SNX9: variants seen among roughly 807,000 people sequenced by gnomAD.
SNX9 encodes sorting nexin-9.
A neutral mutation model predicts 89.4 loss-of-function variants in SNX9; 44 were observed. That is an observed-to-expected ratio of 0.49 (90% confidence interval 0.39 to 0.63). The LOEUF (loss-of-function observed/expected upper bound fraction) is 0.63. Ranked by LOEUF, SNX9 falls within the 30% of genes least tolerant of loss-of-function variation. The pLI is 0.00. For synonymous variants in SNX9, 236 were observed against 247.8 expected (o/e 0.95, Z 0.45); for missense variants, 578 against 736.1 (o/e 0.79, Z 2.49).
chr6:157,826,259 G>A (rs866089256), intron 1 of SNX9, among the ~76,000 whole-genome samples: 19 of 152,064 alleles, frequency 1.2e-4, no homozygotes, highest in Non-Finnish European at 1.8e-4. Context: ...AGCACTTTGG[G>A]AGGCCGAGGC....
chr6:157,909,656 T>C lies in SNX9; in HGVS notation c.706-9T>C, dbSNP rs376543641. On this transcript the variant is annotated splice_polypyrimidine_tract_variant and intron_variant, in intron 7 of 17. Transcript: ENST00000392185. ...AACAAAATTACTTCTTTCTGGAACA[T>C]TGGCATAGGTTGGAGATTATGGCCC... 24 of 1,609,240 alleles carry C rather than the reference T, an allele frequency of 1.5e-5. No homozygotes were observed. The highest frequency in any genetic ancestry group is 1.2e-4 in the African/African-American group (9 of 74,726).
chr6:157,894,106 C>CTTTTTTTTTTTTTTTTTTTTTTTTTTTTT (rs746909411), intron 4 of SNX9, among the ~76,000 whole-genome samples: 1 of 89,564 alleles, frequency 1.1e-5, no homozygotes, highest in Non-Finnish European at 2.2e-5. Context: ...CTTTTCTTTT[C>CTTTTTTTTTTTTTTTTTTTTTTTTTTTTT]TTTTTTTTTT....
intron 1 of SNX9, among the ~76,000 whole-genome samples, chr6:157,831,989 G>A (rs1781487007): frequency 6.6e-6 from 1 of 152,192 alleles, no homozygotes; most frequent in Non-Finnish European, 1.5e-5. Flanking sequence ...CTTCAGTCAA[G>A]CTGTCAAACT....
intron 13 of SNX9, 77 bp downstream of exon 13, chr6:157,932,349 G>T (rs866643296): frequency 6.1e-6 from 8 of 1,310,774 alleles, no homozygotes; most frequent in Non-Finnish European, 8.8e-6. Flanking sequence ...TCCTGCAGAC[G>T]CTAACTCCCT....
intron 10 of SNX9, among the ~76,000 whole-genome samples, chr6:157,923,739 A>G (rs1458363273): frequency 6.6e-6 from 1 of 152,210 alleles, no homozygotes; most frequent in Non-Finnish European, 1.5e-5. Context: ...GCATTGGCAT[A>G]AGGCTAGACA....
chr6:157,940,888 A>G lies in SNX9; in HGVS notation c.1654A>G (p.Met552Val). Residue 552 changes from methionine to valine, a missense_variant, in exon 17 of 18, where the codon ATG becomes GTG. Met to Val is a conservative substitution (Grantham distance 21, BLOSUM62 1). Coordinates refer to ENST00000392185, the MANE Select transcript of SNX9 (RefSeq NM_016224.5). ...SIMSYALQAE[M>V]NHFHSNRIYD... ...TGTTCTGATTTGGGTTGTAGCTGAG[A>G]TGAATCACTTTCACAGTAACCGGAT... 6.2e-7 allele frequency: 1 copy of G among 1,614,080 alleles called. No individual in the cohort carries two copies. The highest frequency in any genetic ancestry group is 1.1e-5 in the South Asian group (1 of 91,056).
intron 5 of SNX9, among the ~76,000 whole-genome samples, chr6:157,897,775 C>T (rs973487096): frequency 2.6e-5 from 4 of 152,224 alleles, no homozygotes; most frequent in African/African-American, 9.6e-5. Flanking sequence ...CTCAGCCTCC[C>T]AAAGTGCTGG....
chr6:157,904,297 G>A (rs1244861623), intron 6 of SNX9, among the ~76,000 whole-genome samples: 1 of 152,102 alleles, frequency 6.6e-6, no homozygotes, highest in Non-Finnish European at 1.5e-5. Flanking sequence ...GTAGCTGGGC[G>A]TGGTGGCACG....
chr6:157,871,785 T>C (rs1057238622), intron 2 of SNX9, among the ~76,000 whole-genome samples: 1 of 149,466 alleles, frequency 6.7e-6, no homozygotes, highest in African/African-American at 2.5e-5. Context: ...TTTTTTTTTT[T>C]TTTTTTTTGC....
At chr6:157,846,694 A>G (rs1216698904) in intron 1 of SNX9, among the ~76,000 whole-genome samples, 1 of 152,208 alleles carries the variant, frequency 6.6e-6, no homozygotes, top group Non-Finnish European at 1.5e-5. Context: ...ATAAGTATTC[A>G]GTGTCTTTCA....
intron 4 of SNX9, among the ~76,000 whole-genome samples, chr6:157,879,030 C>T (rs559448554): frequency 6.6e-6 from 1 of 152,242 alleles, no homozygotes; most frequent in African/African-American, 2.4e-5. Context: ...TAGTGTCATA[C>T]AGGTGTGGTC....
intron 4 of SNX9, among the ~76,000 whole-genome samples, chr6:157,889,563 G>A (rs1025133916): frequency 3.3e-5 from 5 of 152,052 alleles, no homozygotes; most frequent in African/African-American, 1.2e-4. Context: ...TATTTGTGCT[G>A]AAAGTCCCAA....
chr6:157,844,589 T>A (rs919560301), intron 1 of SNX9, among the ~76,000 whole-genome samples: 1 of 142,096 alleles, frequency 7.0e-6, no homozygotes. Flanking sequence ...TAATCCTTGT[T>A]TTTTTTTTTT....
intron 1 of SNX9, among the ~76,000 whole-genome samples, chr6:157,852,406 T>C (rs552893425): frequency 2.6e-4 from 40 of 152,298 alleles, no homozygotes; most frequent in Non-Finnish European, 4.6e-4. Context: ...ACAATCCTCC[T>C]TTCCATTTTT....
At chr6:157,893,176 A>C (rs766413613) in intron 4 of SNX9, among the ~76,000 whole-genome samples, 3 of 152,226 alleles carry the variant, frequency 2.0e-5, no homozygotes, top group Non-Finnish European at 4.4e-5. Flanking sequence ...GGTTTCTCTT[A>C]GCTGAAGTGT....
Position 157,823,272 on chromosome 6 carries a change from G to A in SNX9, c.-163G>A. 1 of 417,424 alleles carries A rather than the reference G, an allele frequency of 2.4e-6. No homozygotes were observed. Among genetic ancestry groups the A allele is most frequent in the South Asian group, 8.5e-5 (1 of 11,746 alleles). 25.9% of individuals were successfully genotyped at this position (417,424 alleles called of 1,614,324 possible). ...GGAGTAGCCGAGCGCCCAGCGGCTG[G>A]GCCTGAGCGTCGAGACTCGGGGCCG... On this transcript the variant is annotated 5_prime_UTR_variant, in exon 1 of 18. Transcript: ENST00000392185. The surrounding 1 kb of genome is among the most constrained non-coding windows in gnomAD (Gnocchi z 4.6).
chr6:157,830,902 A>G (rs920909036), intron 1 of SNX9, among the ~76,000 whole-genome samples: 32 of 152,190 alleles, frequency 2.1e-4, no homozygotes, highest in African/African-American at 7.0e-4. Flanking sequence ...TCTTTGTGCT[A>G]CATTCTGGAT....
chr6:157,884,819 TTTTG>T (rs1284859063), intron 4 of SNX9, among the ~76,000 whole-genome samples: 5 of 152,222 alleles, frequency 3.3e-5, no homozygotes, highest in African/African-American at 1.2e-4. Context: ...ATAGGGTGGT[TTTTG>T]TTTGTTTTGT....
chr6:157,825,634 G>C (rs1781329054), intron 1 of SNX9, among the ~76,000 whole-genome samples: 1 of 152,152 alleles, frequency 6.6e-6, no homozygotes, highest in South Asian at 2.1e-4. Flanking sequence ...TCCACATGGT[G>C]CTCATTTCCA....
Sources: allele counts gnomAD v4.1 joint callset (sites outside exome capture counted in the v4.1 genomes callset), GRCh38; gene constraint gnomAD v4.1.1; non-coding constraint Gnocchi (gnomAD v3.1); transcripts MANE v1.5; gene names NCBI Gene and HGNC (gene_info 2026-07-23, HGNC 2026-07-21).